Variants in GRIN2A observed in about 807,000 individuals in gnomAD.
GRIN2A encodes glutamate receptor ionotropic, NMDA 2A.
Under a neutral mutation model 113.4 loss-of-function variants are expected in GRIN2A, and 22 were observed. The ratio of observed to expected loss-of-function variants is 0.19; its 90% confidence interval spans 0.14 to 0.28. The LOEUF (loss-of-function observed/expected upper bound fraction) is 0.28. GRIN2A is among the 10% of genes least tolerant of loss of function. The probability of loss-of-function intolerance (pLI) is 1.00; values close to 1 mark genes in which losing one functional copy is unlikely to be tolerated. For synonymous variants in GRIN2A, 827 were observed against 738.4 expected (o/e 1.12, Z -1.94); for missense variants, 1,502 against 1,887.0 (o/e 0.80, Z 3.78).
Position 10,112,531 on chromosome 16 carries a change from G to C in GRIN2A, c.414+67467C>G. On this transcript the variant is annotated intron_variant, in intron 2 of 12. Coordinates refer to ENST00000330684, the MANE Select transcript of GRIN2A (RefSeq NM_001134407.3). ...TGGCCCTTGGAGCCTCCACAGTGAT[G>C]ATGGGCTCCCTGCTGGCCACCACCA... 3 of 808,746 alleles carry C rather than the reference G, an allele frequency of 3.7e-6. No homozygotes were observed. The South Asian group carries it at 4.0e-5, about 11-fold the overall frequency. The allele number at this position is 808,746 out of a possible 1,614,324, so 50.1% of individuals were successfully genotyped here. A position where few individuals can be genotyped will look rare whatever the true frequency, so the allele number is the denominator to read the frequency against.
At chr16:9,966,270 A>G (rs543166131) in intron 2 of GRIN2A, among the ~76,000 whole-genome samples, 15 of 151,258 alleles carry the variant, frequency 9.9e-5, no homozygotes, top group Admixed American at 9.2e-4. Flanking sequence ...TCCTCCTCCC[A>G]CCCTCCACCC....
At chr16:9,989,120 C>G (rs1431614171) in intron 2 of GRIN2A, among the ~76,000 whole-genome samples, 2 of 152,078 alleles carry the variant, frequency 1.3e-5, no homozygotes, top group Non-Finnish European at 2.9e-5. Context: ...AAGCCAAAGC[C>G]ATCACATTAC....
At chr16:10,084,413 A>C (rs553663463) in intron 2 of GRIN2A, among the ~76,000 whole-genome samples, 1 of 152,292 alleles carries the variant, frequency 6.6e-6, no homozygotes, top group African/African-American at 2.4e-5. Context: ...GCTGGGATAA[A>C]AGACTTCCTG....
At chr16:9,997,385 G>A (rs1000886851) in intron 2 of GRIN2A, among the ~76,000 whole-genome samples, 1 of 152,156 alleles carries the variant, frequency 6.6e-6, no homozygotes, top group African/African-American at 2.4e-5. Flanking sequence ...CTTCCTGTGT[G>A]TAGCCTTCCC....
At chr16:10,122,814 T>A (rs182629081) in intron 2 of GRIN2A, among the ~76,000 whole-genome samples, 1 of 152,154 alleles carries the variant, frequency 6.6e-6, no homozygotes, top group African/African-American at 2.4e-5. Context: ...AAATACACAA[T>A]ATCAATCATC....
intron 8 of GRIN2A, among the ~76,000 whole-genome samples, chr16:9,833,038 C>T (rs2042524464): frequency 6.6e-6 from 1 of 152,170 alleles, no homozygotes; most frequent in East Asian, 1.9e-4. Flanking sequence ...CTTCAAGTTC[C>T]ATCCTCTACC....
chr16:9,844,449 G>C (rs2042737025), intron 5 of GRIN2A, among the ~76,000 whole-genome samples: 1 of 152,178 alleles, frequency 6.6e-6, no homozygotes, highest in African/African-American at 2.4e-5. Flanking sequence ...ACGTCTGTTG[G>C]TTCCTATTAC....
chr16:9,758,484 T>C lies in GRIN2A; in HGVS notation c.*4665A>G, dbSNP rs1900448867. 1 of 216,696 alleles carries C rather than the reference T, an allele frequency of 4.6e-6. No homozygotes were observed. The highest frequency in any genetic ancestry group is 1.8e-4 in the South Asian group (1 of 5,406). The allele number at this position is 216,696 out of a possible 1,614,324, so 13.4% of individuals were successfully genotyped here. A position where few individuals can be genotyped will look rare whatever the true frequency, so the allele number is the denominator to read the frequency against. ...TAGTGCCCTCTCTACAGAAATATCC[T>C]CCCATAAAAATAACCAGAATGGGTT... On this transcript the variant is annotated 3_prime_UTR_variant, in exon 13 of 13. Coordinates refer to ENST00000330684, the MANE Select transcript of GRIN2A (RefSeq NM_001134407.3).
At chr16:10,041,640 G>A (rs932983480) in intron 2 of GRIN2A, among the ~76,000 whole-genome samples, 1 of 152,126 alleles carries the variant, frequency 6.6e-6, no homozygotes, top group Non-Finnish European at 1.5e-5. Context: ...AATATTGCCT[G>A]TCTCCCAGGG....
At position 9,764,902 on chromosome 16, in the gene GRIN2A, T is replaced by A; in HGVS notation, c.2642A>T (p.Lys881Met). 1 of 1,614,108 alleles carries A rather than the reference T, an allele frequency of 6.2e-7. No individual in the cohort carries two copies. Residue 881 changes from lysine to methionine, a missense_variant, in exon 13 of 13, where the codon AAG (lysine) becomes ATG (methionine). Lys to Met is a moderately conservative substitution (Grantham distance 95). Coordinates refer to ENST00000330684, the MANE Select transcript of GRIN2A (RefSeq NM_001134407.3). The stretch of plus-strand genomic sequence containing the variant: ...TCCCGTCAGATTGAAGTCTGGAGAC[T>A]TCTTCTTTTCTTCAATGTGCACTCC... The part of the protein sequence containing the change: ...IHGVHIEEKK[K>M]SPDFNLTGSQ...
intron 2 of GRIN2A, among the ~76,000 whole-genome samples, chr16:9,994,391 G>A (rs2046183299): frequency 6.6e-6 from 1 of 152,126 alleles, no homozygotes; most frequent in Admixed American, 6.6e-5. Flanking sequence ...CAGAGAATGT[G>A]GAGCCCTCCT....
At chr16:10,034,487 TG>T (rs1486195787) in intron 2 of GRIN2A, among the ~76,000 whole-genome samples, 4 of 128,600 alleles carry the variant, frequency 3.1e-5, no homozygotes, top group African/African-American at 1.2e-4. Context: ...ATCGTGTCAC[TG>T]CACCCCAGGC....
Position 9,806,904 on chromosome 16 carries a change from G to A in GRIN2A, c.2169-8440C>T, listed in dbSNP as rs1213073235. ...CTCTCATAATTCCCACCTGTTGTGG[G>A]AGGGACCCAGTGGGGGATAAATGAA... On this transcript the variant is annotated intron_variant, in intron 10 of 12. Coordinates refer to ENST00000330684, the MANE Select transcript of GRIN2A (RefSeq NM_001134407.3). Among the ~76,000 whole-genome samples the A allele has an allele frequency of 2.0e-5, 3 of 151,990 alleles. No homozygotes were observed. The East Asian group carries it at 5.9e-4, about 30-fold the overall frequency.
chr16:9,768,600 C>T (rs1035519545), intron 12 of GRIN2A, among the ~76,000 whole-genome samples: 2 of 152,128 alleles, frequency 1.3e-5, no homozygotes, highest in African/African-American at 2.4e-5. Context: ...GTTTAGCTGC[C>T]GTTTCACGTC....
chr16:9,951,797 A>C (rs148943076), intron 2 of GRIN2A, among the ~76,000 whole-genome samples: 19 of 152,332 alleles, frequency 1.2e-4, no homozygotes, highest in African/African-American at 3.8e-4. Flanking sequence ...ATTTGTGTTC[A>C]TGCTGAGCCC....
At chr16:9,975,077 A>C (rs78864487) in intron 2 of GRIN2A, among the ~76,000 whole-genome samples, 1,740 of 152,358 alleles carry the variant, frequency 0.011, 24 homozygotes, top group South Asian at 0.052. Context: ...TAAAGTATTA[A>C]AATTTTTAAA....
At chr16:9,774,987 A>G (rs780517143) in intron 11 of GRIN2A, among the ~76,000 whole-genome samples, 2 of 152,156 alleles carry the variant, frequency 1.3e-5, no homozygotes, top group Non-Finnish European at 2.9e-5. Flanking sequence ...TTAGTTCTCT[A>G]TTTGCCCTAA....
chr16:10,115,210 A>T (rs537126447), intron 2 of GRIN2A, among the ~76,000 whole-genome samples: 125 of 148,310 alleles, frequency 8.4e-4, no homozygotes, highest in Non-Finnish European at 1.6e-3. Flanking sequence ...TTTGTTGACC[A>T]CTCTTTTGCA....
At chr16:9,933,944 C>T (rs1015792991) in intron 3 of GRIN2A, among the ~76,000 whole-genome samples, 2 of 152,186 alleles carry the variant, frequency 1.3e-5, no homozygotes, top group Admixed American at 6.5e-5. Context: ...AATACGGTTG[C>T]ACATGTATGT....
Sources: allele counts gnomAD v4.1 joint callset (sites outside exome capture counted in the v4.1 genomes callset), GRCh38; gene constraint gnomAD v4.1.1; transcripts MANE v1.5; gene names NCBI Gene and HGNC (gene_info 2026-07-23, HGNC 2026-07-21).